The following PEBP4 variants were observed in gnomAD, a reference collection of about 807,000 sequenced individuals.
PEBP4 encodes phosphatidylethanolamine-binding protein 4.
A neutral mutation model predicts 23.9 loss-of-function variants in PEBP4; 22 were observed. The ratio of observed to expected loss-of-function variants is 0.92; its 90% CI spans 0.66 to 1.31. The LOEUF (loss-of-function observed/expected upper bound fraction) is 1.31, where lower values mean the gene tolerates loss of function less well. Ranked by LOEUF, PEBP4 falls within the 40% of genes most tolerant of loss-of-function variation. The pLI is 0.00. For missense variants in PEBP4, 324 were observed against 281.7 expected (o/e 1.15, Z -1.07); for synonymous variants, 112 against 99.3 (o/e 1.13, Z -0.76).
intron 3 of PEBP4, among the ~76,000 whole-genome samples, chr8:22,866,927 G>A (rs530053603): frequency 6.6e-6 from 1 of 152,326 alleles, no homozygotes; most frequent in Admixed American, 6.5e-5. Flanking sequence ...GGGAGATGGG[G>A]AAGGGGACCC....
intron 4 of PEBP4, among the ~76,000 whole-genome samples, chr8:22,733,807 A>G (rs1174640475): frequency 2.5e-4 from 1 of 4,038 alleles, no homozygotes; most frequent in African/African-American, 4.9e-4. Flanking sequence ...GAGGGTGGGG[A>G]TGGGGGAATT....
At chr8:22,892,340 A>G (rs1429526324) in intron 3 of PEBP4, among the ~76,000 whole-genome samples, 1 of 152,214 alleles carries the variant, frequency 6.6e-6, no homozygotes, top group African/African-American at 2.4e-5. Context: ...AAGTCCATTC[A>G]CACTGCTGTG....
intron 4 of PEBP4, among the ~76,000 whole-genome samples, chr8:22,749,397 A>G (rs1206820600): frequency 1.3e-5 from 2 of 152,070 alleles, no homozygotes; most frequent in African/African-American, 2.4e-5. Context: ...TAGGAGCACA[A>G]CTGTCTTCCC....
chr8:22,743,734 A>T (rs1805049864), intron 4 of PEBP4, among the ~76,000 whole-genome samples: 1 of 152,198 alleles, frequency 6.6e-6, no homozygotes, highest in Non-Finnish European at 1.5e-5. Flanking sequence ...CTTGTCACAC[A>T]TGGAGGCCAG....
intron 3 of PEBP4, among the ~76,000 whole-genome samples, chr8:22,866,717 A>C (rs976382929): frequency 7.2e-5 from 11 of 152,116 alleles, no homozygotes; most frequent in Non-Finnish European, 1.6e-4. Flanking sequence ...CAGGAAAAAA[A>C]CAGAATATAT....
chr8:22,776,708 C>T (rs1252328783), intron 4 of PEBP4, among the ~76,000 whole-genome samples: 3 of 151,156 alleles, frequency 2.0e-5, no homozygotes, highest in Non-Finnish European at 4.4e-5. Context: ...CATAATCACT[C>T]GTTGACTTAA....
chr8:22,825,073 C>T (rs1384535141), intron 3 of PEBP4, among the ~76,000 whole-genome samples: 7 of 152,244 alleles, frequency 4.6e-5, no homozygotes, highest in African/African-American at 1.4e-4. Flanking sequence ...GGTGGTCTTG[C>T]AGATCTCTCT....
intron 4 of PEBP4, among the ~76,000 whole-genome samples, chr8:22,738,413 T>A (rs1804917027): frequency 6.6e-6 from 1 of 152,126 alleles, no homozygotes; most frequent in Admixed American, 6.5e-5. Flanking sequence ...GCAAGTAGGA[T>A]GCCTCTGGCT....
At chr8:22,838,335 A>T (rs1807248831) in intron 3 of PEBP4, among the ~76,000 whole-genome samples, 2 of 152,212 alleles carry the variant, frequency 1.3e-5, no homozygotes, top group African/African-American at 4.8e-5. Flanking sequence ...TCTGTTAGGA[A>T]ACAGGTTTTT....
chr8:22,770,132 C>T (rs1314585566), intron 4 of PEBP4, among the ~76,000 whole-genome samples: 1 of 152,208 alleles, frequency 6.6e-6, no homozygotes, highest in Non-Finnish European at 1.5e-5. Flanking sequence ...GGGTGGAAGC[C>T]CACAGGGTAC....
intron 4 of PEBP4, among the ~76,000 whole-genome samples, chr8:22,749,772 C>A: frequency 7.0e-6 from 1 of 143,174 alleles, no homozygotes; most frequent in South Asian, 2.3e-4. Flanking sequence ...TGTGGATCTA[C>A]AACCCACCTC....
intron 3 of PEBP4, among the ~76,000 whole-genome samples, chr8:22,913,817 CTTAT>C (rs1414416852): frequency 1.3e-5 from 2 of 152,106 alleles, no homozygotes; most frequent in Admixed American, 6.6e-5. Flanking sequence ...CCAGAATTTA[CTTAT>C]TTATTTAGAG....
In PEBP4 at chr8:22,861,478, T is replaced by C. The variant is rs145947064; in HGVS notation, c.259-43743A>G. On this transcript the variant is annotated intron_variant, in intron 3 of 6. Coordinates refer to ENST00000256404, the MANE Select transcript of PEBP4 (RefSeq NM_144962.3). ...GAGGCTACACACCTTACCCGCTGAA[T>C]ACAGAGGAAATTAAGTCATACGGCC... is the stretch of plus-strand genomic sequence containing the variant. Among the ~76,000 whole-genome samples the C allele has an allele frequency of 2.2e-3, 332 of 152,322 alleles. 4 individuals are homozygous for C. In the South Asian group the frequency reaches 0.032, roughly 15 times the overall value.
chr8:22,722,896 C>T lies in PEBP4; in HGVS notation c.517+1947G>A, dbSNP rs562407094. Among the ~76,000 whole-genome samples, 16 of 151,966 alleles carry T rather than the reference C, an allele frequency of 1.1e-4. No individual in the cohort carries two copies. The East Asian group carries it at 2.1e-3, about 20-fold the overall frequency. On this transcript the variant is annotated intron_variant, in intron 6 of 6. Coordinates refer to ENST00000256404, the MANE Select transcript of PEBP4 (RefSeq NM_144962.3). ...CATGCTGTTCTCCTGCCTCAGCCTCCGGAGTAGCTGGGACTATAGGCGCCC... is the reference window on the plus strand; with the variant it reads ...CATGCTGTTCTCCTGCCTCAGCCTCTGGAGTAGCTGGGACTATAGGCGCCC...
At chr8:22,934,079 G>T (rs1434061596) in intron 1 of PEBP4, among the ~76,000 whole-genome samples, 3 of 152,176 alleles carry the variant, frequency 2.0e-5, no homozygotes, top group Non-Finnish European at 2.9e-5. Context: ...AATAAAGTGA[G>T]AATGCACTCC....
chr8:22,742,345 C>T (rs1017103317), intron 4 of PEBP4, among the ~76,000 whole-genome samples: 4 of 152,202 alleles, frequency 2.6e-5, no homozygotes, highest in African/African-American at 4.8e-5. Flanking sequence ...CCTGCACCAG[C>T]GGGGTGGGCT....
Position 22,727,203 on chromosome 8 carries a change from T to G in PEBP4, c.375A>C (p.Lys125Asn). 6.2e-7 allele frequency: 1 copy of G among 1,613,964 alleles called. No homozygotes were observed. Among genetic ancestry groups the G allele is most frequent in the South Asian group, 1.1e-5 (1 of 90,980 alleles). The part of the protein sequence containing the change: ...VTDIKGADLK[K>N]GKIQGQELSA... ...ATAACTCCTGGCCCTGAATCTTCCCTTTCTTCAGGTCGGCGCCCTGAAAGA... is the reference window on the plus strand; with the variant it reads ...ATAACTCCTGGCCCTGAATCTTCCCGTTCTTCAGGTCGGCGCCCTGAAAGA... Residue 125 changes from lysine (K) to asparagine (N), a missense_variant, in exon 5 of 7, where the codon AAA (lysine) becomes AAC (asparagine). Coordinates refer to ENST00000256404, the MANE Select transcript of PEBP4 (RefSeq NM_144962.3).
At chr8:22,859,807 C>T (rs1346120900) in intron 3 of PEBP4, among the ~76,000 whole-genome samples, 2 of 152,050 alleles carry the variant, frequency 1.3e-5, no homozygotes. Context: ...CACTCTTATG[C>T]CTCTCTATCT....
intron 3 of PEBP4, among the ~76,000 whole-genome samples, chr8:22,912,483 AAT>A (rs1291216378): frequency 6.6e-6 from 1 of 152,168 alleles, no homozygotes; most frequent in Non-Finnish European, 1.5e-5. Context: ...CCGGAGGCAA[AAT>A]TACATAGGTG....
Sources: allele counts gnomAD v4.1 joint callset (sites outside exome capture counted in the v4.1 genomes callset), GRCh38; gene constraint gnomAD v4.1.1; transcripts MANE v1.5; gene names NCBI Gene and HGNC (gene_info 2026-07-23, HGNC 2026-07-21).